The following PIP4K2A variants were observed in gnomAD, a reference collection of about 807,000 sequenced individuals.
PIP4K2A encodes the protein phosphatidylinositol 5-phosphate 4-kinase type-2 alpha.
A neutral mutation model predicts 42.9 loss-of-function variants in PIP4K2A; 14 were observed. The ratio of observed to expected loss-of-function variants is 0.33; its 90% CI spans 0.22 to 0.51. The LOEUF (loss-of-function observed/expected upper bound fraction) is 0.51, where lower values mean the gene tolerates loss of function less well. Ranked by LOEUF, PIP4K2A falls within the 20% of genes least tolerant of loss-of-function variation. The pLI, the probability that PIP4K2A is intolerant of heterozygous loss-of-function variation, is 0.97. For synonymous variants in PIP4K2A, 192 were observed against 192.2 expected, an observed-to-expected ratio of 1.00 and a Z score of 0.01; for missense variants, 434 against 519.8, an observed-to-expected ratio of 0.83 and a Z score of 1.61.
At chr10:22,665,199 T>G (rs1343527371) in intron 1 of PIP4K2A, among the ~76,000 whole-genome samples, 1 of 152,240 alleles carries the variant, frequency 6.6e-6, no homozygotes, top group Non-Finnish European at 1.5e-5. Context: ...CTTTCAAGCC[T>G]TAACAAGCCA....
chr10:22,577,054 G>A (rs969365763), intron 4 of PIP4K2A, among the ~76,000 whole-genome samples: 15 of 147,722 alleles, frequency 1.0e-4, no homozygotes, highest in Non-Finnish European at 1.6e-4. Flanking sequence ...CTCTAGCCTG[G>A]GTGACAGAGC....
At chr10:22,545,082 A>G (rs1207607488) in intron 7 of PIP4K2A, among the ~76,000 whole-genome samples, 2 of 152,244 alleles carry the variant, frequency 1.3e-5, no homozygotes, top group African/African-American at 4.8e-5. Context: ...CCCGGCAGGC[A>G]GAGGGCTCGG....
chr10:22,558,533 G>A (rs1836609130), intron 6 of PIP4K2A, among the ~76,000 whole-genome samples: 1 of 152,286 alleles, frequency 6.6e-6, no homozygotes, highest in Non-Finnish European at 1.5e-5. Context: ...AGTGGATACG[G>A]ATAAAGTTCA....
intron 8 of PIP4K2A, 100 bp downstream of exon 8, chr10:22,541,704 G>A (rs559298829): frequency 2.4e-5 from 31 of 1,310,170 alleles, no homozygotes; most frequent in East Asian, 1.3e-4. Flanking sequence ...GAGTGCTGCC[G>A]GGCAGCACCC....
chr10:22,694,093 A>T (rs919608343), intron 1 of PIP4K2A: 2 of 152,100 alleles, frequency 1.3e-5, no homozygotes, highest in Non-Finnish European at 2.9e-5. Context: ...TGAGCATCTG[A>T]GGATTTTGGT....
In PIP4K2A at chr10:22,665,394, C is replaced by T. The variant is rs1009310217; in HGVS notation, c.144+48789G>A. Among the ~76,000 whole-genome samples the T allele has an allele frequency of 5.3e-5, 8 of 152,238 alleles. No individual in the cohort carries two copies. The East Asian group carries it at 5.8e-4, about 11-fold the overall frequency. The stretch of plus-strand genomic sequence containing the variant: ...TAATTATATTACTTCAGAGAGTGAA[C>T]GCACTATAATTTATTTAGCTGTTCC... On this transcript the variant is annotated intron_variant, in intron 1 of 9. Transcript: ENST00000376573.
At chr10:22,538,528 A>G (rs1835998910) in intron 9 of PIP4K2A, among the ~76,000 whole-genome samples, 1 of 152,228 alleles carries the variant, frequency 6.6e-6, no homozygotes, top group African/African-American at 2.4e-5. Flanking sequence ...CAGGAGCTCC[A>G]AAAGTGTCCC....
In PIP4K2A at chr10:22,591,914, G is replaced by GTA. The variant is rs933483727; in HGVS notation, c.340-135_340-134dup. The GTA allele has an allele frequency of 1.9e-5, 14 of 726,614 alleles. No individual in the cohort carries two copies. In the Admixed American group the frequency reaches 4.2e-4, roughly 22 times the overall value. 45.0% of individuals were successfully genotyped at this position (726,614 alleles called of 1,614,324 possible). A position where few individuals can be genotyped will look rare whatever the true frequency, so the allele number is the denominator to read the frequency against. On this transcript the variant is annotated intron_variant, in intron 3 of 9. Transcript: ENST00000376573. ...ATTTGTGTGTGGGATAAATTGATAA[G>GTA]TAGGATGACAACATTTTTACATGCA...
intron 6 of PIP4K2A, among the ~76,000 whole-genome samples, chr10:22,557,848 A>G (rs1209878011): frequency 6.6e-6 from 1 of 152,212 alleles, no homozygotes; most frequent in East Asian, 1.9e-4. Context: ...CAAAATCTTT[A>G]TAATATAGAG....
intron 2 of PIP4K2A, 60 bp from the exon 3 acceptor site, chr10:22,608,083 A>T: frequency 2.8e-6 from 3 of 1,087,286 alleles, no homozygotes; most frequent in Non-Finnish European, 4.2e-6. Flanking sequence ...TGCATCTGCC[A>T]CCACTGAGTT....
chr10:22,649,601 G>A (rs1838951721), intron 1 of PIP4K2A, among the ~76,000 whole-genome samples: 1 of 152,188 alleles, frequency 6.6e-6, no homozygotes, highest in African/African-American at 2.4e-5. Flanking sequence ...AAGGAAGGAA[G>A]AAGTCTGAAA....
chr10:22,708,544 T>A (rs1240916363), intron 1 of PIP4K2A, among the ~76,000 whole-genome samples: 1 of 152,174 alleles, frequency 6.6e-6, no homozygotes, highest in South Asian at 2.1e-4. Context: ...ATTGCTTGTG[T>A]CCCTTTCCAA....
At chr10:22,570,867 G>GC (rs1836968383) in intron 5 of PIP4K2A, among the ~76,000 whole-genome samples, 1 of 151,888 alleles carries the variant, frequency 6.6e-6, no homozygotes, top group East Asian at 1.9e-4. Context: ...AAAAAAACCA[G>GC]CACCATCTAA....
At chr10:22,561,547 C>G (rs544155767) in intron 6 of PIP4K2A, among the ~76,000 whole-genome samples, 9 of 147,400 alleles carry the variant, frequency 6.1e-5, no homozygotes, top group Admixed American at 4.1e-4. Context: ...AACTATGTCA[C>G]CAGAGATTCT....
At chr10:22,576,548 C>G (rs1837127578) in intron 4 of PIP4K2A, among the ~76,000 whole-genome samples, 1 of 152,156 alleles carries the variant, frequency 6.6e-6, no homozygotes, top group South Asian at 2.1e-4. Context: ...AGCTAAGAGC[C>G]CTCCCGGTCC....
intron 1 of PIP4K2A, among the ~76,000 whole-genome samples, chr10:22,628,864 T>C (rs1368517804): frequency 6.6e-6 from 1 of 152,162 alleles, no homozygotes; most frequent in East Asian, 1.9e-4. Context: ...TTAAGATCTG[T>C]GTTGAGGTTA....
At chr10:22,689,782 G>A (rs1160503736) in intron 1 of PIP4K2A, among the ~76,000 whole-genome samples, 1 of 152,188 alleles carries the variant, frequency 6.6e-6, no homozygotes, top group East Asian at 1.9e-4. Flanking sequence ...GGAAACATAT[G>A]AGAACAACCA....
At chr10:22,547,956 A>C (rs952565844) in intron 7 of PIP4K2A, among the ~76,000 whole-genome samples, 1 of 152,222 alleles carries the variant, frequency 6.6e-6, no homozygotes, top group Non-Finnish European at 1.5e-5. Flanking sequence ...CCTAAAATCT[A>C]GATTTCTTGA....
chr10:22,678,574 C>T (rs1460809278), intron 1 of PIP4K2A, among the ~76,000 whole-genome samples: 1 of 152,024 alleles, frequency 6.6e-6, no homozygotes, highest in East Asian at 1.9e-4. Context: ...GAAGGCAACC[C>T]AGCTTTATGA....
Sources: allele counts gnomAD v4.1 joint callset (sites outside exome capture counted in the v4.1 genomes callset), GRCh38; gene constraint gnomAD v4.1.1; transcripts MANE v1.5; gene names NCBI Gene and HGNC (gene_info 2026-07-23, HGNC 2026-07-21).